CLVS1: variants seen among roughly 807,000 people sequenced by gnomAD.
CLVS1 encodes the protein clavesin 1.
Under a neutral mutation model 33.1 loss-of-function variants are expected in CLVS1, and 10 were observed. The observed-to-expected ratio is 0.30, with a 90% CI of 0.19 to 0.51. The LOEUF (loss-of-function observed/expected upper bound fraction) is 0.51, where lower values mean the gene tolerates loss of function less well. Among genes scored for constraint, CLVS1 ranks in the 20% least tolerant of loss-of-function variants. The pLI, the probability that CLVS1 is intolerant of heterozygous loss-of-function variation, is 0.97. For synonymous variants in CLVS1, 163 were observed against 166.1 expected (o/e 0.98, Z 0.14); for missense variants, 343 against 433.4 (o/e 0.79, Z 1.85).
In CLVS1 at chr8:61,329,147, GA is replaced by G. The variant is rs533039070; in HGVS notation, c.455+28868del. ...TCAAGATAATAATGTAAGTCATTTT[GA>G]AAGTCAAATAATAAAAACCTTTAGA... On this transcript the variant is annotated intron_variant, in intron 2 of 5. Transcript: ENST00000325897. Among the ~76,000 whole-genome samples, 815 of 151,220 alleles carry G rather than the reference GA, an allele frequency of 5.4e-3. 12 individuals are homozygous for G. Among genetic ancestry groups the G allele is most frequent in the African/African-American group, 0.017 (691 of 41,140 alleles).
the CLVS1 span, among the ~76,000 whole-genome samples, chr8:61,025,483 A>G: frequency 2.4e-4 from 37 of 152,328 alleles, no homozygotes; most frequent in Middle Eastern, 3.4e-3. Flanking sequence ...AGAAAATCCA[A>G]TTCTTAAAGG....
chr8:61,120,086 T>C (rs1476230293), intron 1 of CLVS1, among the ~76,000 whole-genome samples: 1 of 148,634 alleles, frequency 6.7e-6, no homozygotes, highest in African/African-American at 2.5e-5. Flanking sequence ...TTATTCTTTT[T>C]TCTCTAAACT....
At chr8:61,161,223 G>A (rs1342633591) in intron 2 of CLVS1, among the ~76,000 whole-genome samples, 1 of 152,164 alleles carries the variant, frequency 6.6e-6, no homozygotes, top group East Asian at 1.9e-4. Flanking sequence ...TACACAGTTG[G>A]TATGTAAATT....
chr8:61,237,511 C>G (rs139853333), intron 2 of CLVS1, among the ~76,000 whole-genome samples: 12 of 152,266 alleles, frequency 7.9e-5, no homozygotes, highest in Admixed American at 2.0e-4. Flanking sequence ...AATCTTGAAG[C>G]CATTGAGCTG....
intron 2 of CLVS1, among the ~76,000 whole-genome samples, chr8:61,147,640 T>C (rs1165082980): frequency 6.6e-6 from 1 of 152,188 alleles, no homozygotes. Flanking sequence ...AAAAGTAACA[T>C]AGGAAAAGGC....
chr8:61,464,501 T>C (rs1180107304), intron 5 of CLVS1: 1 of 152,282 alleles, frequency 6.6e-6, no homozygotes, highest in African/African-American at 2.4e-5. Context: ...CCCAAATAAC[T>C]ATAATGTAGA....
At chr8:61,130,261 A>AAATG (rs1311784099) in intron 1 of CLVS1, among the ~76,000 whole-genome samples, 6 of 150,160 alleles carry the variant, frequency 4.0e-5, no homozygotes, top group Non-Finnish European at 8.9e-5. Context: ...ATAAATAAAT[A>AAATG]AATAAATAAA....
chr8:61,441,912 T>A (rs1816564610), intron 3 of CLVS1, among the ~76,000 whole-genome samples: 1 of 152,224 alleles, frequency 6.6e-6, no homozygotes, highest in Non-Finnish European at 1.5e-5. Context: ...AGACTGAATG[T>A]ACTGAAATGT....
chr8:61,438,967 C>A (rs1737573627), intron 3 of CLVS1, among the ~76,000 whole-genome samples: 1 of 152,136 alleles, frequency 6.6e-6, no homozygotes, highest in Non-Finnish European at 1.5e-5. Flanking sequence ...TAAATTGTAT[C>A]TGTTAAGACT....
At chr8:61,240,537 G>A in intron 2 of CLVS1, among the ~76,000 whole-genome samples, 1 of 152,120 alleles carries the variant, frequency 6.6e-6, no homozygotes, top group South Asian at 2.1e-4. Context: ...TATTTGTTTA[G>A]CCACAAAAAT....
chr8:61,439,966 G>A (rs751871223), intron 3 of CLVS1, among the ~76,000 whole-genome samples: 8 of 152,118 alleles, frequency 5.3e-5, no homozygotes, highest in Non-Finnish European at 7.4e-5. Context: ...TTCATCTGCC[G>A]TCTGCAGGAC....
intron 3 of CLVS1, among the ~76,000 whole-genome samples, chr8:61,394,312 G>C (rs1457749889): frequency 6.6e-6 from 1 of 152,250 alleles, no homozygotes; most frequent in Non-Finnish European, 1.5e-5. Flanking sequence ...AGTTGTGGTA[G>C]TAGAAGGGGG....
At chr8:61,198,443 G>C (rs533603386) in intron 2 of CLVS1, among the ~76,000 whole-genome samples, 2 of 152,064 alleles carry the variant, frequency 1.3e-5, no homozygotes, top group African/African-American at 4.8e-5. Context: ...GCAGTGGCAC[G>C]ATCTTGGTTC....
chr8:61,268,524 A>G (rs1357689722), intron 2 of CLVS1, among the ~76,000 whole-genome samples: 1 of 149,464 alleles, frequency 6.7e-6, no homozygotes, highest in Non-Finnish European at 1.5e-5. Flanking sequence ...TCCTTTGGGT[A>G]TATACCCAGT....
intron 1 of CLVS1, among the ~76,000 whole-genome samples, chr8:61,094,502 G>A (rs1805313453): frequency 6.6e-6 from 1 of 152,126 alleles, no homozygotes; most frequent in South Asian, 2.1e-4. Context: ...GGCAAATTGT[G>A]GCTCATGAGG....
At chr8:61,371,600 C>G (rs1464120655) in intron 2 of CLVS1, among the ~76,000 whole-genome samples, 1 of 152,160 alleles carries the variant, frequency 6.6e-6, no homozygotes, top group Non-Finnish European at 1.5e-5. Flanking sequence ...CACTTATAGC[C>G]TTATTTTTCT....
chr8:61,336,741 G>A (rs1022436646), intron 2 of CLVS1, among the ~76,000 whole-genome samples: 1 of 152,116 alleles, frequency 6.6e-6, no homozygotes, highest in African/African-American at 2.4e-5. Flanking sequence ...CTAGAAAAAA[G>A]CAAGGTAAAG....
chr8:61,469,181 C>G (rs947210923), intron 5 of CLVS1, among the ~76,000 whole-genome samples: 1 of 152,146 alleles, frequency 6.6e-6, no homozygotes, highest in Admixed American at 6.5e-5. Context: ...ATCAAAAGAC[C>G]AGTGTCAGCA....
At chr8:61,448,447 T>C (rs191582774) in intron 3 of CLVS1, among the ~76,000 whole-genome samples, 139 of 152,314 alleles carry the variant, frequency 9.1e-4, no homozygotes, top group Admixed American at 1.8e-3. Context: ...ATTTTCTCTC[T>C]GTAGTTCAGG....
Sources: gnomAD v4.1 joint callset for allele counts (sites outside exome capture counted in the v4.1 genomes callset) on GRCh38, gnomAD v4.1.1 for gene constraint, MANE v1.5 for transcripts, NCBI Gene and HGNC (gene_info 2026-07-23, HGNC 2026-07-21) for gene names.